Variants in PIAS1 observed in about 807,000 individuals in gnomAD.
PIAS1 encodes E3 SUMO-protein ligase PIAS1.
A neutral mutation model predicts 71.3 loss-of-function variants in PIAS1; 6 were observed. The ratio of observed to expected loss-of-function variants is 0.08; its 90% CI spans 0.05 to 0.17. PIAS1 has a LOEUF of 0.17. PIAS1 is among the 10% of genes least tolerant of loss of function. PIAS1 has a pLI of 1.00. For missense variants in PIAS1, 555 were observed against 793.6 expected, an observed-to-expected ratio of 0.70 and a Z score of 3.61; for synonymous variants, 303 against 292.9, an observed-to-expected ratio of 1.03 and a Z score of -0.35.
rs1315660920 is a variant in PIAS1 at position 68,188,852 on chromosome 15, G to T, written c.*1017G>T. The T allele has an allele frequency of 6.6e-6, 1 of 152,146 alleles. No individual in the cohort carries two copies. The highest frequency in any genetic ancestry group is 1.9e-4 in the East Asian group (1 of 5,188). The allele number at this position is 152,146 out of a possible 1,614,324, so 9.4% of individuals were successfully genotyped here. On this transcript the variant is annotated 3_prime_UTR_variant, in exon 14 of 14. Transcript: ENST00000249636. Reference sequence around the variant, plus strand: ...AAGTAAAAATAGCTTAGAAAGCTCTGTCAGGTGTTTTGTGCAGCTGACAGA... The same window carrying T: ...AAGTAAAAATAGCTTAGAAAGCTCTTTCAGGTGTTTTGTGCAGCTGACAGA...
Position 68,054,508 on chromosome 15 carries a change from G to C in PIAS1, c.24+158G>C. The C allele has an allele frequency of 1.5e-6, 1 of 660,630 alleles. No individual in the cohort carries two copies. Among genetic ancestry groups the C allele is most frequent in the Non-Finnish European group, 2.4e-6 (1 of 418,684 alleles). 40.9% of individuals were successfully genotyped at this position (660,630 alleles called of 1,614,324 possible). A position where few individuals can be genotyped will look rare whatever the true frequency, so the allele number is the denominator to read the frequency against. On this transcript the variant is annotated intron_variant, in intron 1 of 13. Coordinates refer to ENST00000249636, the MANE Select transcript of PIAS1 (RefSeq NM_016166.3). The surrounding 1 kb of genome is among the most constrained non-coding windows in gnomAD (Gnocchi z 4.6). The stretch of plus-strand genomic sequence containing the variant: ...GGCGCGCCCGGTCTCAGCAGAGGGG[G>C]CCCGCCTGCGGCGGGCCGCGGGCCC...
chr15:68,054,345 C>G lies in PIAS1; in HGVS notation c.19C>G (p.Leu7Val), dbSNP rs1249549451. MADSAE[L>V]KQMVMSLRVS... Reference sequence around the variant, plus strand: ...ACGCAAGATGGCGGACAGTGCGGAACTAAAGGTAAAGCGCAGCTCGAATTC... The same window carrying G: ...ACGCAAGATGGCGGACAGTGCGGAAGTAAAGGTAAAGCGCAGCTCGAATTC... The change falls in exon 1 of 14, where the codon CTA (leucine) becomes GTA (valine). Residue 7 changes from leucine to valine, a missense_variant. Leu to Val is a conservative substitution (Grantham distance 32, BLOSUM62 1). Coordinates refer to ENST00000249636, the MANE Select transcript of PIAS1 (RefSeq NM_016166.3). The surrounding 1 kb of genome is among the most constrained non-coding windows in gnomAD (Gnocchi z 4.6). 1.3e-6 allele frequency: 2 copies of G among 1,577,728 alleles called. No individual in the cohort carries two copies. The highest frequency in any genetic ancestry group is 8.6e-7 in the Non-Finnish European group (1 of 1,162,526).
chr15:68,088,300 G>A (rs1200652683), intron 2 of PIAS1, among the ~76,000 whole-genome samples: 1 of 150,836 alleles, frequency 6.6e-6, no homozygotes, highest in East Asian at 1.9e-4. Context: ...GTATTGATCA[G>A]TTGATGAAAA....
At chr15:68,089,711 C>T (rs1460837326) in intron 2 of PIAS1, among the ~76,000 whole-genome samples, 2 of 151,918 alleles carry the variant, frequency 1.3e-5, no homozygotes, top group African/African-American at 4.8e-5. Context: ...CACGTGCCAC[C>T]ATGCCCGACT....
intron 9 of PIAS1, among the ~76,000 whole-genome samples, chr15:68,175,422 G>A (rs2037212): frequency 9.2e-5 from 14 of 151,894 alleles, no homozygotes; most frequent in Admixed American, 2.0e-4. Context: ...TTTTGTTGAC[G>A]TTTTCTCACT....
At chr15:68,124,932 G>A (rs1184568368) in intron 2 of PIAS1, among the ~76,000 whole-genome samples, 1 of 152,072 alleles carries the variant, frequency 6.6e-6, no homozygotes, top group Non-Finnish European at 1.5e-5. Flanking sequence ...TTTAGGCATT[G>A]TATATTGATT....
At position 68,146,604 on chromosome 15, in the gene PIAS1, G is replaced by A; in HGVS notation, c.732G>A (p.Lys244=). Residue 244 remains lysine (K), a synonymous_variant, in exon 6 of 14, where the codon AAG becomes AAA. Coordinates refer to ENST00000249636, the MANE Select transcript of PIAS1 (RefSeq NM_016166.3). ...LPPTKNGVEP[K]RPSRPINITS... ...CTACAAAAAATGGCGTGGAACCAAAGCGACCCAGCCGACCAATTAATATCA... is the reference window on the plus strand; with the variant it reads ...CTACAAAAAATGGCGTGGAACCAAAACGACCCAGCCGACCAATTAATATCA... 1.2e-6 allele frequency: 2 copies of A among 1,613,196 alleles called. No homozygotes were observed. The highest frequency in any genetic ancestry group is 1.7e-6 in the Non-Finnish European group (2 of 1,179,326).
intron 8 of PIAS1, among the ~76,000 whole-genome samples, chr15:68,168,922 G>C (rs908575943): frequency 4.6e-5 from 7 of 152,190 alleles, no homozygotes; most frequent in African/African-American, 1.7e-4. Flanking sequence ...CTGACAGCTG[G>C]AGATCATGGG....
chr15:68,121,579 T>C (rs897794704), intron 2 of PIAS1, among the ~76,000 whole-genome samples: 2 of 152,130 alleles, frequency 1.3e-5, no homozygotes, highest in Admixed American at 6.6e-5. Context: ...CCACCTCTTA[T>C]CTTACTTAAC....
chr15:68,110,985 T>C (rs1166800143), intron 2 of PIAS1, among the ~76,000 whole-genome samples: 2 of 152,322 alleles, frequency 1.3e-5, no homozygotes, highest in East Asian at 3.9e-4. Context: ...CTTTCTCTGG[T>C]TGGCTGTGTG....
rs147904907 is a variant in PIAS1, at chr15:68,098,281, A to G, written c.469+11531A>G. Among the ~76,000 whole-genome samples the G allele has an allele frequency of 3.3e-5, 5 of 152,350 alleles. No homozygotes were observed. The East Asian group carries it at 9.6e-4, about 29-fold the overall frequency. Reference sequence around the variant, plus strand: ...TATGTATTGTGTACTGTATTCTTACAGCAAAGTAAGCTAGAGAAAAGAAAC... The same window carrying G: ...TATGTATTGTGTACTGTATTCTTACGGCAAAGTAAGCTAGAGAAAAGAAAC... On this transcript the variant is annotated intron_variant, in intron 2 of 13. Transcript: ENST00000249636.
At chr15:68,138,477 T>TATGA (rs2092748919) in intron 2 of PIAS1, among the ~76,000 whole-genome samples, 1 of 152,126 alleles carries the variant, frequency 6.6e-6, no homozygotes, top group South Asian at 2.1e-4. Context: ...TTTATTTATT[T>TATGA]ATGAATGAAT....
rs1002857839 is a variant in PIAS1, at chr15:68,054,590, T to C, written c.24+240T>C. ...CCGGCGTGTTATTGTTGTGGGCGCCTCTGGCGGGGGTGGCGGGGGAAGAGA... is the reference window on the plus strand; with the variant it reads ...CCGGCGTGTTATTGTTGTGGGCGCCCCTGGCGGGGGTGGCGGGGGAAGAGA... On this transcript the variant is annotated intron_variant, in intron 1 of 13. Coordinates refer to ENST00000249636, the MANE Select transcript of PIAS1 (RefSeq NM_016166.3). This position sits in a 1 kb window ranked among gnomAD's most constrained non-coding sequence, Gnocchi z 4.6. The C allele has an allele frequency of 9.4e-6, 4 of 427,044 alleles. No individual in the cohort carries two copies. The Admixed American group carries it at 1.3e-4, about 14-fold the overall frequency. The allele number at this position is 427,044 out of a possible 1,614,324, so 26.5% of individuals were successfully genotyped here. A position where few individuals can be genotyped will look rare whatever the true frequency, so the allele number is the denominator to read the frequency against.
In PIAS1 at chr15:68,054,595, C is replaced by G. The variant is rs569892713; in HGVS notation, c.24+245C>G. ...GTGTTATTGTTGTGGGCGCCTCTGG[C>G]GGGGGTGGCGGGGGAAGAGATAGGG... is the stretch of plus-strand genomic sequence containing the variant. On this transcript the variant is annotated intron_variant, in intron 1 of 13. Transcript: ENST00000249636. This position sits in a 1 kb window ranked among gnomAD's most constrained non-coding sequence, Gnocchi z 4.6. 17 of 328,366 alleles carry G rather than the reference C, an allele frequency of 5.2e-5. No homozygotes were observed. The highest frequency in any genetic ancestry group is 1.3e-4 in the South Asian group (2 of 15,580). The allele number at this position is 328,366 out of a possible 1,614,324, so 20.3% of individuals were successfully genotyped here.
At chr15:68,070,740 T>A (rs1486821301) in intron 1 of PIAS1, among the ~76,000 whole-genome samples, 1 of 151,842 alleles carries the variant, frequency 6.6e-6, no homozygotes, top group Non-Finnish European at 1.5e-5. Context: ...TAATATTTTG[T>A]TTATTGGATT....
At chr15:68,137,794 A>G (rs1227279637) in intron 2 of PIAS1, among the ~76,000 whole-genome samples, 1 of 152,216 alleles carries the variant, frequency 6.6e-6, no homozygotes, top group Non-Finnish European at 1.5e-5. Context: ...TACTGACATC[A>G]CATCTGGAAG....
At chr15:68,154,344 C>A (rs2092872004) in intron 7 of PIAS1, among the ~76,000 whole-genome samples, 1 of 152,170 alleles carries the variant, frequency 6.6e-6, no homozygotes, top group African/African-American at 2.4e-5. Context: ...TTTGGCCTTT[C>A]CAAAGAGGTG....
In PIAS1 at chr15:68,163,032, G is replaced by C. The variant is rs565905065; in HGVS notation, c.935-1699G>C. Reference sequence around the variant, plus strand: ...ACAGACTGACACACCAGTCTCCTTTGGAAACACACTCGCAGACACTTTCAG... The same window carrying C: ...ACAGACTGACACACCAGTCTCCTTTCGAAACACACTCGCAGACACTTTCAG... On this transcript the variant is annotated intron_variant, in intron 7 of 13. Transcript: ENST00000249636. 4.6e-5 allele frequency among the ~76,000 whole-genome samples: 7 copies of C among 152,292 alleles called. No individual in the cohort carries two copies. The South Asian group carries it at 1.5e-3, about 32-fold the overall frequency.
Position 68,193,683 on chromosome 15 carries a change from G to C in PIAS1, c.*5848G>C, listed in dbSNP as rs1183153790. ...AATCCAGCTTGTGTGGGGGGGCTTT[G>C]AGGAGTGAAATGATTTGCCCAAAGT... On this transcript the variant is annotated 3_prime_UTR_variant, in exon 14 of 14. Transcript: ENST00000249636. The C allele has an allele frequency of 7.9e-6, 2 of 252,406 alleles. No individual in the cohort carries two copies. Among genetic ancestry groups the C allele is most frequent in the African/African-American group, 4.4e-5 (2 of 45,018 alleles). 15.6% of individuals were successfully genotyped at this position (252,406 alleles called of 1,614,324 possible).
Sources: gnomAD v4.1 joint callset for allele counts (sites outside exome capture counted in the v4.1 genomes callset) on GRCh38, gnomAD v4.1.1 for gene constraint, Gnocchi (gnomAD v3.1) non-coding constraint, MANE v1.5 for transcripts, NCBI Gene and HGNC (gene_info 2026-07-23, HGNC 2026-07-21) for gene names.